TLL2: variants seen among roughly 807,000 people sequenced by gnomAD.
The protein encoded by TLL2 is tolloid like 2.
Under a neutral mutation model 123.0 loss-of-function variants are expected in TLL2, and 106 were observed. The observed-to-expected ratio is 0.86, with a 90% CI of 0.74 to 1.01. The LOEUF is 1.01. TLL2 is among the 50% of genes least tolerant of loss of function. The probability of loss-of-function intolerance (pLI) is 0.00; values close to 1 mark genes in which losing one functional copy is unlikely to be tolerated. For synonymous variants in TLL2, 494 were observed against 516.8 expected (o/e 0.96, Z 0.60); for missense variants, 1,332 against 1,336.7 (o/e 1.00, Z 0.06).
At chr10:96,382,741 C>T (rs1275334720) in intron 16 of TLL2, among the ~76,000 whole-genome samples, 1 of 152,174 alleles carries the variant, frequency 6.6e-6, no homozygotes, top group Non-Finnish European at 1.5e-5. Flanking sequence ...CAGATGTTCC[C>T]CCTTGATTTT....
chr10:96,446,225 A>C, intron 2 of TLL2, 57 bp from the exon 3 acceptor site: 1 of 1,570,942 alleles, frequency 6.4e-7, no homozygotes, highest in Non-Finnish European at 8.8e-7. Context: ...CTGCATCAGC[A>C]CCAAGGGATG....
intron 17 of TLL2, among the ~76,000 whole-genome samples, chr10:96,377,791 C>T (rs1172481758): frequency 2.6e-5 from 4 of 152,242 alleles, no homozygotes; most frequent in Admixed American, 6.5e-5. Flanking sequence ...CTGCAGCCAA[C>T]GCAGAGAACA....
chr10:96,425,328 C>T (rs1165888888), intron 5 of TLL2, among the ~76,000 whole-genome samples: 1 of 150,690 alleles, frequency 6.6e-6, no homozygotes, highest in Admixed American at 6.6e-5. Flanking sequence ...CAGATAAACT[C>T]TAGTATCATT....
chr10:96,386,047 A>C lies in TLL2; in HGVS notation c.2013+8T>G, dbSNP rs762333899. ...CAGTCCCCAATCAATTAGAGCATGG[A>C]GACATACGTCATTGCCTTCCAGTTC... On this transcript the variant is annotated splice_region_variant and intron_variant, in intron 15 of 20. Coordinates refer to ENST00000357947, the MANE Select transcript of TLL2 (RefSeq NM_012465.4). 6.3e-6 allele frequency: 10 copies of C among 1,583,854 alleles called. No homozygotes were observed. Among genetic ancestry groups the C allele is most frequent in the African/African-American group, 4.1e-5 (3 of 74,010 alleles).
chr10:96,446,140 G>C lies in TLL2; in HGVS notation c.315C>G (p.Ser105Arg). 1 of 1,614,126 alleles carries C rather than the reference G, an allele frequency of 6.2e-7. No homozygotes were observed. The highest frequency in any genetic ancestry group is 8.5e-7 in the Non-Finnish European group (1 of 1,180,014). The part of the protein sequence containing the change: ...TGGLEEQASE[S>R]SPDTTAMDTG... ...TGTCCATGGCTGTGGTGTCTGGGCT[G>C]CTCTCAGATGCCTGCTCTTCAAGCC... The change falls in exon 3 of 21, where the codon AGC becomes AGG. Residue 105 changes from serine to arginine, a missense_variant. Ser to Arg is a moderately radical substitution (Grantham distance 110). Transcript: ENST00000357947.
rs1289274085 is a variant in TLL2, at chr10:96,395,954, T to A, written c.1451A>T (p.Tyr484Phe). Residue 484 changes from tyrosine (Y) to phenylalanine (F), a missense_variant, in exon 12 of 21, where the codon TAC (tyrosine) becomes TTC (phenylalanine). Transcript: ENST00000357947. Reference sequence around the variant, plus strand: ...CCAGACACATTCCTTGGAAGGTCTGTAGTCATCCGGATAGTTGGGAGATTG... The same window carrying A: ...CCAGACACATTCCTTGGAAGGTCTGAAGTCATCCGGATAGTTGGGAGATTG... ...QIQSPNYPDD[Y>F]RPSKECVWRI... The A allele has an allele frequency of 1.9e-6, 3 of 1,614,176 alleles. No homozygotes were observed. The African/African-American group carries it at 4.0e-5, about 22-fold the overall frequency.
intron 7 of TLL2, among the ~76,000 whole-genome samples, chr10:96,417,611 G>A (rs1048456333): frequency 6.6e-6 from 1 of 152,134 alleles, no homozygotes; most frequent in African/African-American, 2.4e-5. Flanking sequence ...CCAGAGCTGG[G>A]GCCTTAAGAG....
rs756512393 is a variant in TLL2 at position 96,413,272 on chromosome 10, C to A, written c.968G>T (p.Gly323Val). 1.2e-6 allele frequency: 2 copies of A among 1,614,100 alleles called. No individual in the cohort carries two copies. Among genetic ancestry groups the A allele is most frequent in the Admixed American group, 3.3e-5 (2 of 60,012 alleles). Residue 323 changes from glycine (G) to valine (V), a missense_variant, in exon 8 of 21, where the codon GGC (glycine) becomes GTC (valine). Physicochemically the swap from Gly to Val is moderately radical, Grantham distance 109 (BLOSUM62 -3). Coordinates refer to ENST00000357947, the MANE Select transcript of TLL2 (RefSeq NM_012465.4). ...DTILPRQDDNGVRPTIGQRVR... is the reference protein window; with the variant it reads ...DTILPRQDDNVVRPTIGQRVR... ...GCGCTGGCCAATGGTTGGCCTGACG[C>A]CATTGTCATCTTGACGGGGAAGGAT...
At chr10:96,510,939 A>T (rs7069429) in intron 1 of TLL2, among the ~76,000 whole-genome samples, 33,272 of 152,052 alleles carry the variant, frequency 0.22, 4,192 homozygotes, top group African/African-American at 0.31. Flanking sequence ...CAAGGCAGAC[A>T]TTTTCATTCT....
intron 1 of TLL2, among the ~76,000 whole-genome samples, chr10:96,498,379 C>T (rs1047682474): frequency 6.6e-6 from 1 of 152,210 alleles, no homozygotes; most frequent in African/African-American, 2.4e-5. Flanking sequence ...AAGATTCCTT[C>T]CAGCTTTAAC....
intron 4 of TLL2, among the ~76,000 whole-genome samples, chr10:96,430,339 C>A (rs566762269): frequency 6.6e-6 from 1 of 152,212 alleles, no homozygotes; most frequent in Non-Finnish European, 1.5e-5. Context: ...TGTTGCCTTC[C>A]GCCATGATTG....
At chr10:96,385,780 A>C (rs1382009819) in intron 15 of TLL2, among the ~76,000 whole-genome samples, 1 of 151,794 alleles carries the variant, frequency 6.6e-6, no homozygotes, top group African/African-American at 2.4e-5. Context: ...CAGTCCTGAC[A>C]CCTCCCACCC....
At chr10:96,383,723 C>T (rs1400165435) in intron 16 of TLL2, among the ~76,000 whole-genome samples, 3 of 152,098 alleles carry the variant, frequency 2.0e-5, no homozygotes, top group Non-Finnish European at 2.9e-5. Context: ...TGTGTTCAAG[C>T]GATTCTCCTG....
chr10:96,490,755 C>T (rs1429794216), intron 1 of TLL2, among the ~76,000 whole-genome samples: 1 of 152,246 alleles, frequency 6.6e-6, no homozygotes, highest in Admixed American at 6.5e-5. Context: ...ACCTCTTCCA[C>T]TACCAATCCC....
At chr10:96,369,761 A>G (rs1846060752) in intron 20 of TLL2, among the ~76,000 whole-genome samples, 1 of 134,250 alleles carries the variant, frequency 7.4e-6, no homozygotes, top group South Asian at 2.4e-4. Flanking sequence ...GAAAAAAAAG[A>G]AAAAAAAAAA....
chr10:96,461,278 G>C (rs969837660), intron 2 of TLL2, among the ~76,000 whole-genome samples: 3 of 152,166 alleles, frequency 2.0e-5, no homozygotes, highest in Non-Finnish European at 4.4e-5. Context: ...CAATACATAA[G>C]AATTCACATA....
intron 12 of TLL2, 74 bp from the exon 13 acceptor site, chr10:96,395,456 C>T: frequency 2.1e-6 from 3 of 1,423,146 alleles, no homozygotes; most frequent in Middle Eastern, 2.6e-4. Flanking sequence ...GAAGAGAACC[C>T]AAATATCACT....
chr10:96,369,040 T>G (rs914437330), intron 20 of TLL2, among the ~76,000 whole-genome samples: 1 of 152,226 alleles, frequency 6.6e-6, no homozygotes, highest in Non-Finnish European at 1.5e-5. Context: ...GAGTTTCCGT[T>G]TAGCACAAGG....
intron 2 of TLL2, 58 bp downstream of exon 2, chr10:96,480,291 C>T: frequency 6.9e-7 from 1 of 1,439,668 alleles, no homozygotes; most frequent in Non-Finnish European, 9.8e-7. Context: ...ACATCTCCCC[C>T]TGCTGAAGTC....
Sources: allele counts gnomAD v4.1 joint callset (sites outside exome capture counted in the v4.1 genomes callset), GRCh38; gene constraint gnomAD v4.1.1; transcripts MANE v1.5; gene names NCBI Gene and HGNC (gene_info 2026-07-23, HGNC 2026-07-21).